NAALADL2: variants seen among roughly 807,000 people sequenced by gnomAD.
The protein encoded by NAALADL2 is inactive N-acetylated-alpha-linked acidic dipeptidase-like protein 2.
In NAALADL2, 76 loss-of-function variants were observed where a neutral mutation model predicts 87.2. That is an observed-to-expected ratio of 0.87 (90% CI 0.72 to 1.05). NAALADL2 has a LOEUF of 1.05. NAALADL2 is among the 50% of genes least tolerant of loss of function. The probability of loss-of-function intolerance (pLI) is 0.00; values close to 1 mark genes in which losing one functional copy is unlikely to be tolerated. For synonymous variants in NAALADL2, 354 were observed against 331.0 expected, an observed-to-expected ratio of 1.07 and a Z score of -0.75; for missense variants, 1,089 against 945.8, an observed-to-expected ratio of 1.15 and a Z score of -1.99.
chr3:175,668,974 G>A (rs1252600987), intron 11 of NAALADL2, among the ~76,000 whole-genome samples: 2 of 152,040 alleles, frequency 1.3e-5, no homozygotes, highest in Non-Finnish European at 2.9e-5. Context: ...TGTTTTTGGT[G>A]GGTGTTATCT....
intron 3 of NAALADL2, among the ~76,000 whole-genome samples, chr3:175,252,405 C>T (rs1749216872): frequency 6.6e-6 from 1 of 152,094 alleles, no homozygotes; most frequent in South Asian, 2.1e-4. Context: ...AGGAAATGCA[C>T]CCATATAAGA....
intron 4 of NAALADL2, among the ~76,000 whole-genome samples, chr3:175,280,619 G>A (rs752532182): frequency 2.6e-5 from 4 of 152,076 alleles, no homozygotes; most frequent in South Asian, 2.1e-4. Flanking sequence ...CACTTGCTTC[G>A]GAATCTTCCT....
chr3:175,101,597 C>T (rs188183807), intron 2 of NAALADL2, among the ~76,000 whole-genome samples: 8 of 152,196 alleles, frequency 5.3e-5, no homozygotes, highest in South Asian at 2.1e-4. Context: ...TGGCAAAAGC[C>T]GCAATTACTT....
intron 1 of NAALADL2, among the ~76,000 whole-genome samples, chr3:175,047,972 T>C (rs1229856250): frequency 6.6e-6 from 1 of 152,200 alleles, no homozygotes; most frequent in Admixed American, 6.6e-5. Flanking sequence ...AGTATATGAC[T>C]CCAATTTCAT....
At chr3:175,730,090 A>G (rs924847275) in intron 11 of NAALADL2, among the ~76,000 whole-genome samples, 4 of 151,972 alleles carry the variant, frequency 2.6e-5, no homozygotes, top group African/African-American at 9.7e-5. Flanking sequence ...GAACCTATAT[A>G]TGTTTTACTG....
At chr3:174,892,277 CAG>C (rs1389121205) in intron 1 of NAALADL2, among the ~76,000 whole-genome samples, 1 of 152,124 alleles carries the variant, frequency 6.6e-6, no homozygotes, top group East Asian at 1.9e-4. Context: ...ACCTTTCAGA[CAG>C]AGAATTCAAA....
chr3:174,465,599 T>A (rs540054501), intron 1 of NAALADL2, among the ~76,000 whole-genome samples: 1 of 152,324 alleles, frequency 6.6e-6, no homozygotes, highest in East Asian at 1.9e-4. Flanking sequence ...AAAAATAAGA[T>A]GTTTGAATTA....
chr3:175,236,023 G>A (rs888034427), intron 3 of NAALADL2, among the ~76,000 whole-genome samples: 3 of 152,128 alleles, frequency 2.0e-5, no homozygotes, highest in Admixed American at 2.0e-4. Context: ...TTTCCACACT[G>A]ACCAAGGAAA....
At chr3:175,691,988 T>C (rs766916944) in intron 11 of NAALADL2, among the ~76,000 whole-genome samples, 1 of 152,126 alleles carries the variant, frequency 6.6e-6, no homozygotes, top group Non-Finnish European at 1.5e-5. Context: ...ATGATGCTGC[T>C]AAAGTCTTTC....
At chr3:175,449,905 T>C (rs1170526762) in intron 6 of NAALADL2, among the ~76,000 whole-genome samples, 1 of 152,200 alleles carries the variant, frequency 6.6e-6, no homozygotes, top group Non-Finnish European at 1.5e-5. Context: ...TTAGAAAAAT[T>C]GTTATGTTTT....
At chr3:175,262,639 C>T (rs1217860847) in intron 4 of NAALADL2, among the ~76,000 whole-genome samples, 1 of 149,056 alleles carries the variant, frequency 6.7e-6, no homozygotes, top group African/African-American at 2.5e-5. Context: ...ACTGATATGG[C>T]CTAATGTAAT....
chr3:175,730,277 T>C (rs1667003838), intron 11 of NAALADL2, among the ~76,000 whole-genome samples: 1 of 150,870 alleles, frequency 6.6e-6, no homozygotes, highest in South Asian at 2.1e-4. Flanking sequence ...AAGAGGAAGA[T>C]TTGTGATGAA....
At chr3:174,603,506 T>C (rs960583793) in intron 2 of NAALADL2, among the ~76,000 whole-genome samples, 1 of 152,142 alleles carries the variant, frequency 6.6e-6, no homozygotes, top group African/African-American at 2.4e-5. Flanking sequence ...CTTTTTTTCT[T>C]AGTCTGGCTA....
chr3:174,941,220 C>T, intron 1 of NAALADL2, among the ~76,000 whole-genome samples: 1 of 152,114 alleles, frequency 6.6e-6, no homozygotes, highest in East Asian at 1.9e-4. Flanking sequence ...TCATTAGCAT[C>T]AAAGAACTTC....
At chr3:175,374,553 G>GAAAAAAAAAAA (rs765485400) in intron 5 of NAALADL2, among the ~76,000 whole-genome samples, 2 of 45,394 alleles carry the variant, frequency 4.4e-5, no homozygotes, top group Non-Finnish European at 8.3e-5. Context: ...TGCATCTCCA[G>GAAAAAAAAAAA]AAAAAAAAAA....
intron 1 of NAALADL2, among the ~76,000 whole-genome samples, chr3:174,918,201 T>C (rs1484414670): frequency 2.0e-5 from 3 of 152,064 alleles, no homozygotes; most frequent in Non-Finnish European, 4.4e-5. Context: ...AATAATTTTA[T>C]AAGTTGAGTT....
chr3:174,652,475 A>G (rs1724465433), intron 2 of NAALADL2, among the ~76,000 whole-genome samples: 1 of 152,202 alleles, frequency 6.6e-6, no homozygotes, highest in Non-Finnish European at 1.5e-5. Context: ...CAATCATGGC[A>G]GAAGGTGAAG....
chr3:175,309,948 CT>C (rs1247804595), intron 4 of NAALADL2, among the ~76,000 whole-genome samples: 2 of 152,136 alleles, frequency 1.3e-5, no homozygotes, highest in Admixed American at 6.5e-5. Context: ...GGACAAGACC[CT>C]TACTCTCAGT....
intron 2 of NAALADL2, among the ~76,000 whole-genome samples, chr3:175,136,875 C>T (rs1379568003): frequency 6.6e-6 from 1 of 152,100 alleles, no homozygotes; most frequent in African/African-American, 2.4e-5. Context: ...AATGATTCAT[C>T]AAATAAGGCT....
Sources: allele counts gnomAD v4.1 joint callset (sites outside exome capture counted in the v4.1 genomes callset), GRCh38; gene constraint gnomAD v4.1.1; transcripts MANE v1.5; gene names NCBI Gene and HGNC (gene_info 2026-07-23, HGNC 2026-07-21).